Variants in FBXL7 observed in about 807,000 individuals in gnomAD.
FBXL7 encodes F-box/LRR-repeat protein 7.
A neutral mutation model predicts 38.3 loss-of-function variants in FBXL7; 12 were observed. That is an observed-to-expected ratio of 0.31 (90% CI 0.20 to 0.51). The LOEUF (loss-of-function observed/expected upper bound fraction) is 0.51, where lower values mean the gene tolerates loss of function less well. Ranked by LOEUF, FBXL7 falls within the 20% of genes least tolerant of loss-of-function variation. The pLI is 0.98. For synonymous variants in FBXL7, 297 were observed against 300.9 expected, an observed-to-expected ratio of 0.99 and a Z score of 0.13; for missense variants, 567 against 676.4, an observed-to-expected ratio of 0.84 and a Z score of 1.79.
intron 1 of FBXL7, among the ~76,000 whole-genome samples, chr5:15,543,741 G>A (rs1177759244): frequency 1.3e-5 from 2 of 152,146 alleles, no homozygotes; most frequent in East Asian, 1.9e-4. Context: ...CAGTATAAAG[G>A]GCATCGGGTA....
At chr5:15,770,579 A>C (rs2126710096) in intron 2 of FBXL7, among the ~76,000 whole-genome samples, 1 of 152,312 alleles carries the variant, frequency 6.6e-6, no homozygotes, top group South Asian at 2.1e-4. Flanking sequence ...AGACTTTTTC[A>C]TATGAGATGA....
chr5:15,828,069 T>C (rs1738361859), intron 2 of FBXL7, among the ~76,000 whole-genome samples: 1 of 152,228 alleles, frequency 6.6e-6, no homozygotes, highest in African/African-American at 2.4e-5. Context: ...AGGTGGAAGA[T>C]ACTGAATTTC....
intron 2 of FBXL7, among the ~76,000 whole-genome samples, chr5:15,834,099 G>T (rs778939118): frequency 6.6e-6 from 1 of 152,036 alleles, no homozygotes; most frequent in Non-Finnish European, 1.5e-5. Context: ...TCTTTTTCCA[G>T]AAAAATGCTT....
chr5:15,778,645 A>G (rs35010130), intron 2 of FBXL7, among the ~76,000 whole-genome samples: 15,224 of 152,056 alleles, frequency 0.1, 803 homozygotes, highest in South Asian at 0.15. Context: ...TTCTCATGCT[A>G]CCAAGCAGCT....
chr5:15,790,852 CTATG>C (rs200005613), intron 2 of FBXL7, among the ~76,000 whole-genome samples: 10,073 of 152,144 alleles, frequency 0.066, 358 homozygotes, highest in Middle Eastern at 0.12. Context: ...AATGAGCTTT[CTATG>C]AGAATGGTTC....
intron 2 of FBXL7, among the ~76,000 whole-genome samples, chr5:15,769,487 C>T (rs901652704): frequency 1.3e-5 from 2 of 152,276 alleles, no homozygotes; most frequent in Admixed American, 6.5e-5. Context: ...TACATTTAGT[C>T]CCCATGCAAA....
chr5:15,531,116 A>G (rs1032317751), intron 1 of FBXL7, among the ~76,000 whole-genome samples: 1 of 152,224 alleles, frequency 6.6e-6, no homozygotes, highest in Non-Finnish European at 1.5e-5. Context: ...GACATGCGCT[A>G]CTAGCAAAGC....
intron 2 of FBXL7, among the ~76,000 whole-genome samples, chr5:15,765,324 G>A (rs1256717578): frequency 6.6e-6 from 1 of 152,014 alleles, no homozygotes; most frequent in East Asian, 1.9e-4. Context: ...CACTCCCGAG[G>A]CCATACCAAG....
At chr5:15,668,125 A>G (rs1250513979) in intron 2 of FBXL7, among the ~76,000 whole-genome samples, 1 of 152,190 alleles carries the variant, frequency 6.6e-6, no homozygotes. Flanking sequence ...CTAATCCAGC[A>G]GGGGCTCTAA....
At chr5:15,610,414 T>A (rs1211217890) in intron 1 of FBXL7, among the ~76,000 whole-genome samples, 2 of 152,144 alleles carry the variant, frequency 1.3e-5, no homozygotes, top group Admixed American at 6.5e-5. Flanking sequence ...AACTCCAGGG[T>A]CTAATCTGAC....
intron 2 of FBXL7, among the ~76,000 whole-genome samples, chr5:15,879,212 G>T (rs896479090): frequency 1.3e-5 from 2 of 152,184 alleles, no homozygotes; most frequent in Admixed American, 6.5e-5. Flanking sequence ...TAAACTGGAA[G>T]CCCAGCATTT....
At chr5:15,580,623 C>T (rs1561037101) in intron 1 of FBXL7, 1 of 985,362 alleles carries the variant, frequency 1.0e-6, no homozygotes, top group East Asian at 1.1e-4. Context: ...CAGGCAGATC[C>T]ACAAGCCATG....
At chr5:15,853,713 T>C (rs749606140) in intron 2 of FBXL7, among the ~76,000 whole-genome samples, 5 of 152,154 alleles carry the variant, frequency 3.3e-5, no homozygotes, top group Non-Finnish European at 7.3e-5. Context: ...TTTTTAAGTA[T>C]TAATACAAGG....
At chr5:15,642,905 A>G (rs1052472779) in intron 2 of FBXL7, among the ~76,000 whole-genome samples, 1 of 152,224 alleles carries the variant, frequency 6.6e-6, no homozygotes, top group Non-Finnish European at 1.5e-5. Flanking sequence ...TCTTTCATAA[A>G]TTAAGTGCAA....
At chr5:15,912,633 A>G (rs1194275939) in intron 2 of FBXL7, among the ~76,000 whole-genome samples, 2 of 151,970 alleles carry the variant, frequency 1.3e-5, no homozygotes, top group South Asian at 4.2e-4. Context: ...ATTATTATTA[A>G]CTTTGCATTA....
chr5:15,833,470 CACAA>C (rs1449174863), intron 2 of FBXL7, among the ~76,000 whole-genome samples: 2 of 152,174 alleles, frequency 1.3e-5, no homozygotes, highest in South Asian at 2.1e-4. Flanking sequence ...TTTATGGGGA[CACAA>C]ACAGTGAGAT....
intron 1 of FBXL7, among the ~76,000 whole-genome samples, chr5:15,503,027 G>C (rs1471382057): frequency 6.6e-6 from 1 of 152,146 alleles, no homozygotes; most frequent in Non-Finnish European, 1.5e-5. Context: ...AAATAAATAT[G>C]GCTTGAGAAG....
At chr5:15,900,482 G>T (rs549190376) in intron 2 of FBXL7, among the ~76,000 whole-genome samples, 2 of 152,164 alleles carry the variant, frequency 1.3e-5, no homozygotes, top group African/African-American at 4.8e-5. Context: ...ACAGGTGATG[G>T]CATTAAACAA....
At chr5:15,880,376 C>T (rs921721624) in intron 2 of FBXL7, among the ~76,000 whole-genome samples, 1 of 152,142 alleles carries the variant, frequency 6.6e-6, no homozygotes, top group Non-Finnish European at 1.5e-5. Flanking sequence ...GGGGAGTCCC[C>T]AACACAGGAG....
Sources: allele counts gnomAD v4.1 joint callset (sites outside exome capture counted in the v4.1 genomes callset), GRCh38; gene constraint gnomAD v4.1.1; transcripts MANE v1.5; gene names NCBI Gene and HGNC (gene_info 2026-07-23, HGNC 2026-07-21).